BSN: variants seen among roughly 807,000 people sequenced by gnomAD.
BSN encodes the protein protein bassoon.
BSN carries 57 observed loss-of-function variants against 264.8 expected under a neutral mutation model. That is an observed-to-expected ratio of 0.22 (90% CI 0.17 to 0.27). The LOEUF (loss-of-function observed/expected upper bound fraction) is 0.27, where lower values mean the gene tolerates loss of function less well. Ranked by LOEUF, BSN falls within the 10% of genes least tolerant of loss-of-function variation. The pLI, the probability that BSN is intolerant of heterozygous loss-of-function variation, is 1.00. For synonymous variants in BSN, 2,059 were observed against 2,137.3 expected, an observed-to-expected ratio of 0.96 and a Z score of 1.01; for missense variants, 4,615 against 5,232.5, an observed-to-expected ratio of 0.88 and a Z score of 3.64.
Position 49,620,418 on chromosome 3 carries a change from C to G in BSN, c.225-4557C>G, listed in dbSNP as rs147923392. On this transcript the variant is annotated intron_variant, in intron 1 of 11. Transcript: ENST00000296452. ...CCAGCCTGGGCGACAGAGTGAGACTCCGTCTCAAAAACAAAACAAAACTAA... is the reference window on the plus strand; with the variant it reads ...CCAGCCTGGGCGACAGAGTGAGACTGCGTCTCAAAAACAAAACAAAACTAA... Among the ~76,000 whole-genome samples, 1,097 of 150,764 alleles carry G rather than the reference C, an allele frequency of 7.3e-3. 15 individuals carry two copies. The highest frequency in any genetic ancestry group is 0.024 in the African/African-American group (996 of 41,074).
Position 49,554,511 on chromosome 3 carries a change from C to G in BSN, c.-92C>G, listed in dbSNP as rs960009742. On this transcript the variant is annotated 5_prime_UTR_variant, in exon 1 of 12. Transcript: ENST00000296452. ...CGCGAGCCGAGCTGGGAGATGGCGG[C>G]GGCAGCGGCGGCGCCGAGAGTGTGA... is the stretch of plus-strand genomic sequence containing the variant. 33 of 347,454 alleles carry G rather than the reference C, an allele frequency of 9.5e-5. No homozygotes were observed. Among genetic ancestry groups the G allele is most frequent in the Middle Eastern group, 1.5e-3 (1 of 656 alleles). 21.5% of individuals were successfully genotyped at this position (347,454 alleles called of 1,614,324 possible). A position where few individuals can be genotyped will look rare whatever the true frequency, so the allele number is the denominator to read the frequency against.
chr3:49,566,117 G>C (rs531905064), intron 1 of BSN, among the ~76,000 whole-genome samples: 90 of 152,268 alleles, frequency 5.9e-4, no homozygotes, highest in Non-Finnish European at 9.7e-4. Flanking sequence ...GAGCCACTGT[G>C]CCTGGCCCCA....
chr3:49,638,942 C>T lies in BSN; in HGVS notation c.634-3326C>T, dbSNP rs1036377222. Among the ~76,000 whole-genome samples, 3 of 152,146 alleles carry T rather than the reference C, an allele frequency of 2.0e-5. No homozygotes were observed. The highest frequency in any genetic ancestry group is 7.2e-5 in the African/African-American group (3 of 41,442). On this transcript the variant is annotated intron_variant, in intron 2 of 11. Transcript: ENST00000296452. The surrounding 1 kb of genome is among the most constrained non-coding windows in gnomAD (Gnocchi z 4.3). ...GTGGGCTGGGCACCCACGGGAAGAA[C>T]TGAATTTGTGGCTGCCACCCTGGGC...
Position 49,657,440 on chromosome 3 carries a change from C to A in BSN, c.7884C>A (p.Arg2628=). 6.2e-7 allele frequency: 1 copy of A among 1,612,886 alleles called. No homozygotes were observed. Among genetic ancestry groups the A allele is most frequent in the Non-Finnish European group, 8.5e-7 (1 of 1,179,870 alleles). The stretch of plus-strand genomic sequence containing the variant: ...CTGAGTGGGAGCAGCCAGTGCGCCG[C>A]CGCAGGTCTCGTCTTCCCCGCCACT... ...DSAEWEQPVR[R]RRSRLPRHSD... Residue 2628 remains arginine, a synonymous_variant, in exon 5 of 12, where the codon CGC becomes CGA. Coordinates refer to ENST00000296452, the MANE Select transcript of BSN (RefSeq NM_003458.4).
At position 49,658,046 on chromosome 3, in the gene BSN, T is replaced by C. The variant is rs1391591055; in HGVS notation, c.8490T>C (p.Ala2830=). Residue 2830 remains alanine (A), a synonymous_variant, in exon 5 of 12, where the codon GCT becomes GCC. Transcript: ENST00000296452. The stretch of plus-strand genomic sequence containing the variant: ...TGAGTCCCCAGAAGCACTTCACGGC[T>C]GACAGCGCTCTCCGCCAGCAGACGC... ...AHVSPQKHFT[A]DSALRQQTLP... is the part of the protein sequence containing the mutation. The C allele has an allele frequency of 6.2e-7, 1 of 1,613,434 alleles. No homozygotes were observed. The highest frequency in any genetic ancestry group is 8.5e-7 in the Non-Finnish European group (1 of 1,179,980).
Position 49,660,589 on chromosome 3 carries a change from C to A in BSN, c.8744C>A (p.Pro2915Gln). 6.2e-7 allele frequency: 1 copy of A among 1,611,994 alleles called. No individual in the cohort carries two copies. Among genetic ancestry groups the A allele is most frequent in the Non-Finnish European group, 8.5e-7 (1 of 1,179,208 alleles). Residue 2915 changes from proline to glutamine, a missense_variant, in exon 6 of 12, where the codon CCA becomes CAA. Physicochemically the swap from Pro to Gln is moderately conservative, Grantham distance 76. Transcript: ENST00000296452. This position sits in a 1 kb window ranked among gnomAD's most constrained non-coding sequence, Gnocchi z 7.1. ...CTTCCCCTGGCTGGCCAGGCCTCCC[C>A]ACAGCTGTATGCAGCCAGCCTGCTG... ...AHLPLAGQAS[P>Q]QLYAASLLQR...
intron 1 of BSN, among the ~76,000 whole-genome samples, chr3:49,555,163 A>G (rs908223132): frequency 6.6e-5 from 10 of 152,176 alleles, no homozygotes; most frequent in Admixed American, 5.9e-4. Flanking sequence ...CAGGAGAGCA[A>G]TGGGATGGAA....
rs1475707860 is a variant in BSN at position 49,650,728 on chromosome 3, C to T, written c.1635C>T (p.His545=). 6 of 1,613,322 alleles carry T rather than the reference C, an allele frequency of 3.7e-6. No homozygotes were observed. The highest frequency in any genetic ancestry group is 5.1e-6 in the Non-Finnish European group (6 of 1,179,922). The change falls in exon 4 of 12, where the codon CAC becomes CAT. Residue 545 remains histidine, a synonymous_variant. Transcript: ENST00000296452. The part of the protein sequence containing the change: ...TSQQPPVGAP[H]RASGTSPLKQ... ...AGCAGCCCCCTGTAGGGGCCCCTCA[C>T]CGTGCATCTGGAACATCCCCTCTGA...
At position 49,665,469 on chromosome 3, in the gene BSN, G is replaced by A. The variant is rs532873232; in HGVS notation, c.*104+151G>A. On this transcript the variant is annotated intron_variant, in intron 11 of 11. Coordinates refer to ENST00000296452, the MANE Select transcript of BSN (RefSeq NM_003458.4). Reference sequence around the variant, plus strand: ...GATGGGCCCAGCAGCCCTCTACCCCGCAGAGGCAGGGGCCACAGAGCTGCC... The same window carrying A: ...GATGGGCCCAGCAGCCCTCTACCCCACAGAGGCAGGGGCCACAGAGCTGCC... Among the ~76,000 whole-genome samples, 10 of 152,316 alleles carry A rather than the reference G, an allele frequency of 6.6e-5. No homozygotes were observed. The South Asian group carries it at 2.1e-3, about 32-fold the overall frequency.
chr3:49,613,613 A>C (rs967716819), intron 1 of BSN, among the ~76,000 whole-genome samples: 2 of 150,170 alleles, frequency 1.3e-5, no homozygotes, highest in African/African-American at 4.9e-5. Context: ...TTCTGCCTCA[A>C]CCTCCCAAGT....
intron 2 of BSN, among the ~76,000 whole-genome samples, chr3:49,629,969 C>T (rs984789086): frequency 1.1e-4 from 17 of 152,244 alleles, no homozygotes; most frequent in South Asian, 2.1e-4. Context: ...CATGAGCCTA[C>T]GCAGTTTCCC....
In BSN at chr3:49,625,019, G is replaced by C. The variant is rs559032448; in HGVS notation, c.269G>C (p.Arg90Thr). The change falls in exon 2 of 12, where the codon AGA becomes ACA. Residue 90 changes from arginine to threonine, a missense_variant. Physicochemically the swap from Arg to Thr is moderately conservative, Grantham distance 71 (BLOSUM62 -1). Transcript: ENST00000296452. This position sits in a 1 kb window ranked among gnomAD's most constrained non-coding sequence, Gnocchi z 4.4. ...LDPKEPLGNQ[R>T]AASPTPKQAS... ...CCCAAGGAACCCCTGGGTAACCAGA[G>C]AGCAGCTTCCCCAACTCCGAAGCAG... is the stretch of plus-strand genomic sequence containing the variant. 46 of 1,568,114 alleles carry C rather than the reference G, an allele frequency of 2.9e-5. No individual in the cohort carries two copies. The highest frequency in any genetic ancestry group is 3.7e-5 in the Non-Finnish European group (43 of 1,161,122).
chr3:49,643,775 C>A (rs534439786), intron 3 of BSN, among the ~76,000 whole-genome samples: 2 of 152,368 alleles, frequency 1.3e-5, no homozygotes, highest in Admixed American at 6.5e-5. Context: ...AGAGCTGCTA[C>A]TGGGGATGCT....
At position 49,656,420 on chromosome 3, in the gene BSN, C is replaced by A. The variant is rs1468677549; in HGVS notation, c.6864C>A (p.Ala2288=). ...TCTATCTGGGGAAACCTGCTGCTGC[C>A]AAGGCCCCTGGGGCTGGGGGCCCTT... ...GPVYLGKPAA[A]KAPGAGGPSR... Residue 2288 remains alanine (A), a synonymous_variant, in exon 5 of 12, where the codon GCC becomes GCA. Transcript: ENST00000296452. 1 of 1,590,230 alleles carries A rather than the reference C, an allele frequency of 6.3e-7. No homozygotes were observed. The highest frequency in any genetic ancestry group is 8.6e-7 in the Non-Finnish European group (1 of 1,167,672).
chr3:49,589,771 G>A (rs551288977), intron 1 of BSN, among the ~76,000 whole-genome samples: 1 of 150,624 alleles, frequency 6.6e-6, no homozygotes, highest in African/African-American at 2.4e-5. Context: ...GCCTCCTGAA[G>A]TGCTGGGATT....
In BSN at chr3:49,663,432, G is replaced by A; in HGVS notation, c.11274G>A (p.Gln3758=). The A allele has an allele frequency of 6.2e-7, 1 of 1,612,950 alleles. No homozygotes were observed. The highest frequency in any genetic ancestry group is 8.5e-7 in the Non-Finnish European group (1 of 1,180,008). ...GGCAGGCAGCTCCAGGACCACAGCA[G>A]TCACAGTCACCATCATCCAGGCAAA... The part of the protein sequence containing the change: ...QGRQAAPGPQ[Q]SQSPSSRQIP... The change falls in exon 7 of 12, where the codon CAG becomes CAA. Residue 3758 remains glutamine (Q), a synonymous_variant. Transcript: ENST00000296452.
intron 1 of BSN, among the ~76,000 whole-genome samples, chr3:49,581,554 G>A (rs1218241641): frequency 6.6e-6 from 1 of 152,200 alleles, no homozygotes; most frequent in Admixed American, 6.5e-5. Flanking sequence ...GGCTGGGCAT[G>A]GTGGCTTACG....
In BSN at chr3:49,554,704, A is replaced by G. The variant is rs1285122047; in HGVS notation, c.102A>G (p.Gly34=). The change falls in exon 1 of 12, where the codon GGA becomes GGG. Residue 34 remains glycine (G), a synonymous_variant. Transcript: ENST00000296452. ...GCCCCGGCCCCGGCCCCGGCGCAGG[A>G]AAGCCGCCTTCAGCACCGGCCGGTG... ...GPGPGPGPGA[G]KPPSAPAGGG... The G allele has an allele frequency of 3.4e-6, 4 of 1,160,978 alleles. No homozygotes were observed. The East Asian group carries it at 1.7e-4, about 48-fold the overall frequency. The allele number at this position is 1,160,978 out of a possible 1,614,324, so 71.9% of individuals were successfully genotyped here.
At chr3:49,578,657 C>T (rs1185875321) in intron 1 of BSN, among the ~76,000 whole-genome samples, 1 of 152,020 alleles carries the variant, frequency 6.6e-6, no homozygotes, top group Non-Finnish European at 1.5e-5. Context: ...CCACCCGTGT[C>T]GGCCTCCTAA....
Sources: gnomAD v4.1 joint callset for allele counts (sites outside exome capture counted in the v4.1 genomes callset) on GRCh38, gnomAD v4.1.1 for gene constraint, Gnocchi (gnomAD v3.1) non-coding constraint, MANE v1.5 for transcripts, NCBI Gene and HGNC (gene_info 2026-07-23, HGNC 2026-07-21) for gene names.